IRGM: variants seen among roughly 807,000 people sequenced by gnomAD.
IRGM encodes immunity-related GTPase family M protein.
For missense variants in IRGM, 288 were observed against 219.9 expected, an observed-to-expected ratio of 1.31 and a Z score of -1.96; for synonymous variants, 98 against 80.6, an observed-to-expected ratio of 1.22 and a Z score of -1.16.
chr5:150,852,750 C>A (rs1036212155), downstream of IRGM, among the ~76,000 whole-genome samples: 2 of 151,976 alleles, frequency 1.3e-5, no homozygotes, highest in Middle Eastern at 3.2e-3. Flanking sequence ...AGAATGTACC[C>A]TTTTTCATTC....
intron 1 of IRGM, among the ~76,000 whole-genome samples, chr5:150,877,381 T>C (rs374864757): frequency 6.6e-6 from 1 of 152,186 alleles, no homozygotes; most frequent in South Asian, 2.1e-4. Context: ...ACTGGTTTAG[T>C]CTTCCGGCCT....
At chr5:150,895,668 G>A (rs1411238381) in intron 3 of IRGM, 1 of 1,613,272 alleles carries the variant, frequency 6.2e-7, no homozygotes, top group East Asian at 2.2e-5. Flanking sequence ...CCCACATTCA[G>A]TACATATATA....
intron 3 of IRGM, among the ~76,000 whole-genome samples, chr5:150,883,681 C>A (rs562341354): frequency 6.6e-6 from 1 of 151,990 alleles, no homozygotes; most frequent in African/African-American, 2.4e-5. Context: ...CCTACCAAGA[C>A]TGAAACATGC....
chr5:150,898,664 CAAAAT>C, intron 3 of IRGM: 7 of 1,290,484 alleles, frequency 5.4e-6, no homozygotes, highest in Non-Finnish European at 6.2e-6. Flanking sequence ...TTGGGAAAAA[CAAAAT>C]AAAATCCTGT....
chr5:150,898,687 A>T, intron 3 of IRGM: 1 of 1,015,406 alleles, frequency 9.8e-7, no homozygotes, highest in African/African-American at 1.6e-5. Context: ...TGTTTTTAGC[A>T]AGCAGAGCCA....
rs980265763 is a variant in IRGM, at chr5:150,846,987, C to T, written c.-649C>T. The T allele has an allele frequency of 6.6e-6, 1 of 152,370 alleles. No homozygotes were observed. Among genetic ancestry groups the T allele is most frequent in the Non-Finnish European group, 1.5e-5 (1 of 68,064 alleles). 9.4% of individuals were successfully genotyped at this position (152,370 alleles called of 1,614,324 possible). On this transcript the variant is annotated 5_prime_UTR_variant, in exon 1 of 2. Transcript: ENST00000522154. ...TTAATCAGTCTCAAATACCTGGCCC[C>T]TTGTGGAACCTGCAAGAGCCAGGTT...
At chr5:150,889,517 A>C (rs1754575725) in intron 3 of IRGM, among the ~76,000 whole-genome samples, 1 of 151,998 alleles carries the variant, frequency 6.6e-6, no homozygotes, top group African/African-American at 2.4e-5. Flanking sequence ...ACACAGCCAA[A>C]CCATATCAAC....
rs1754420962 is a variant in IRGM at position 150,879,966 on chromosome 5, A to T, written c.*140+320A>T. ...CTCATAAACGTGAGCAGCAGGCAAG[A>T]CCTAAGACTAGTTGAGGGATCAGCA... On this transcript the variant is annotated intron_variant and NMD_transcript_variant, in intron 3 of 3. Coordinates refer to the IRGM transcript ENST00000520549. 3.3e-5 allele frequency among the ~76,000 whole-genome samples: 5 copies of T among 152,110 alleles called. No homozygotes were observed. In the South Asian group the frequency reaches 1.0e-3, roughly 32 times the overall value.
intron 1 of IRGM, among the ~76,000 whole-genome samples, chr5:150,873,991 T>C (rs1022604015): frequency 3.3e-5 from 5 of 152,220 alleles, no homozygotes; most frequent in Admixed American, 1.3e-4. Context: ...GACAGTGGAT[T>C]ATCATAAGCT....
At chr5:150,892,536 T>G (rs1754627224) in intron 3 of IRGM, among the ~76,000 whole-genome samples, 1 of 152,140 alleles carries the variant, frequency 6.6e-6, no homozygotes, top group Non-Finnish European at 1.5e-5. Context: ...TATCTCTTCC[T>G]TTCCAGGTTG....
At chr5:150,873,542 C>T (rs2344182) in intron 1 of IRGM, among the ~76,000 whole-genome samples, 38,311 of 152,084 alleles carry the variant, frequency 0.25, 6,991 homozygotes, top group East Asian at 0.61. Flanking sequence ...TGAGCTGACA[C>T]TGATTTCAGG....
chr5:150,849,239 T>G (rs534326890), downstream of IRGM, among the ~76,000 whole-genome samples: 1 of 152,354 alleles, frequency 6.6e-6, no homozygotes, highest in South Asian at 2.1e-4. Context: ...TAAAGGGTTC[T>G]AAGTTCTTGT....
intron 1 of IRGM, among the ~76,000 whole-genome samples, chr5:150,858,044 T>C (rs1215938680): frequency 1.3e-5 from 2 of 152,166 alleles, no homozygotes; most frequent in African/African-American, 4.8e-5. Flanking sequence ...TCTTCTAGGG[T>C]TTTTATGGTT....
rs1049145304 is a variant in IRGM at position 150,876,278 on chromosome 5, A to G, written c.159-1702A>G. ...TCCCATAGCCAGGATTCACAGGTCC[A>G]GAAATCAAGGGGTGGAAGTGGAAGT... On this transcript the variant is annotated intron_variant and NMD_transcript_variant, in intron 1 of 3. Transcript: ENST00000520549. Among the ~76,000 whole-genome samples, 7 of 152,332 alleles carry G rather than the reference A, an allele frequency of 4.6e-5. No individual in the cohort carries two copies. The South Asian group carries it at 8.3e-4, about 18-fold the overall frequency.
chr5:150,897,873 C>T, intron 3 of IRGM: 2 of 576,966 alleles, frequency 3.5e-6, no homozygotes, highest in East Asian at 3.2e-5. Context: ...CAAATATAAA[C>T]ATATATATAT....
intron 1 of IRGM, among the ~76,000 whole-genome samples, chr5:150,876,129 G>A (rs1754359175): frequency 6.6e-6 from 1 of 152,188 alleles, no homozygotes; most frequent in Non-Finnish European, 1.5e-5. Flanking sequence ...TGAAGCAGGT[G>A]GAATGCCCTT....
At chr5:150,882,142 C>T (rs1413592539) in intron 3 of IRGM, among the ~76,000 whole-genome samples, 1 of 151,404 alleles carries the variant, frequency 6.6e-6, no homozygotes, top group African/African-American at 2.4e-5. Flanking sequence ...TGATCTCAGT[C>T]TGGGAAGTCG....
chr5:150,884,945 G>A (rs905718068), intron 3 of IRGM, among the ~76,000 whole-genome samples: 5 of 152,004 alleles, frequency 3.3e-5, no homozygotes, highest in South Asian at 4.1e-4. Flanking sequence ...CAACTGTCAC[G>A]TTTGTCATGA....
chr5:150,878,084 C>T, exon 2 of IRGM: 1 of 462,154 alleles, frequency 2.2e-6, no homozygotes. Context: ...ATCAGCTCCG[C>T]AAGCCCTAGA....
Sources: gnomAD v4.1 joint callset for allele counts (sites outside exome capture counted in the v4.1 genomes callset) on GRCh38, gnomAD v4.1.1 for gene constraint, MANE v1.5 for transcripts, NCBI Gene and HGNC (gene_info 2026-07-23, HGNC 2026-07-21) for gene names.